CNBD1: variants seen among roughly 807,000 people sequenced by gnomAD.
CNBD1 encodes cyclic nucleotide-binding domain-containing protein 1.
In CNBD1, 71 loss-of-function variants were observed where a neutral mutation model predicts 54.4. The ratio of observed to expected loss-of-function variants is 1.30; its 90% CI spans 1.08 to 1.59. The LOEUF (loss-of-function observed/expected upper bound fraction) is 1.59, where lower values mean the gene tolerates loss of function less well. CNBD1 is among the 40% of genes most tolerant of loss of function. The pLI is 0.00. For synonymous variants in CNBD1, 182 were observed against 170.7 expected, an observed-to-expected ratio of 1.07 and a Z score of -0.51; for missense variants, 659 against 518.0, an observed-to-expected ratio of 1.27 and a Z score of -2.64.
intron 7 of CNBD1, 131 bp downstream of exon 7, chr8:87,284,946 A>G (rs2130870102): frequency 1.5e-6 from 1 of 654,554 alleles, no homozygotes; most frequent in Non-Finnish European, 2.4e-6. Flanking sequence ...GACCATAAAA[A>G]TGTTATTTGA....
chr8:87,281,795 A>T (rs1468285610), intron 6 of CNBD1, among the ~76,000 whole-genome samples: 1 of 150,956 alleles, frequency 6.6e-6, no homozygotes, highest in Non-Finnish European at 1.5e-5. Context: ...GTTATAAATG[A>T]AAGTTATCTC....
At chr8:87,377,619 G>T (rs1810976814) in intron 10 of CNBD1, among the ~76,000 whole-genome samples, 1 of 150,864 alleles carries the variant, frequency 6.6e-6, no homozygotes, top group South Asian at 2.1e-4. Context: ...ACATACGTGT[G>T]CATGTGTCTT....
At chr8:87,319,142 A>G (rs1266055245) in intron 8 of CNBD1, among the ~76,000 whole-genome samples, 2 of 152,114 alleles carry the variant, frequency 1.3e-5, no homozygotes, top group South Asian at 2.1e-4. Flanking sequence ...AGAGCACATG[A>G]AGGATATTGA....
intron 8 of CNBD1, among the ~76,000 whole-genome samples, chr8:87,327,535 G>A (rs1190259543): frequency 1.3e-5 from 2 of 152,190 alleles, no homozygotes; most frequent in Non-Finnish European, 2.9e-5. Context: ...GGTCTGAAAA[G>A]CGCAATATTC....
intron 8 of CNBD1, among the ~76,000 whole-genome samples, chr8:87,312,205 T>A (rs1809282428): frequency 1.3e-5 from 2 of 152,022 alleles, no homozygotes; most frequent in South Asian, 4.1e-4. Context: ...CCCCCAAAAA[T>A]AAAACTACTA....
intron 4 of CNBD1, among the ~76,000 whole-genome samples, chr8:87,161,195 T>A (rs2130759338): frequency 6.6e-6 from 1 of 152,218 alleles, no homozygotes; most frequent in African/African-American, 2.4e-5. Flanking sequence ...AATGACAGGT[T>A]ACCTTCACAT....
chr8:87,001,559 A>G (rs1360320250), intron 4 of CNBD1, among the ~76,000 whole-genome samples: 1 of 152,138 alleles, frequency 6.6e-6, no homozygotes, highest in African/African-American at 2.4e-5. Flanking sequence ...CTTTCTAATG[A>G]GCTAAAGTTG....
At chr8:87,337,510 C>A (rs566673774) in intron 8 of CNBD1, among the ~76,000 whole-genome samples, 8 of 152,338 alleles carry the variant, frequency 5.3e-5, no homozygotes, top group Non-Finnish European at 8.8e-5. Flanking sequence ...TGGTGATGGC[C>A]ATTCCCTCCC....
At chr8:87,353,891 G>C in intron 10 of CNBD1, 105 bp downstream of exon 10, 1 of 727,116 alleles carries the variant, frequency 1.4e-6, no homozygotes, top group Non-Finnish European at 2.2e-6. Flanking sequence ...TATTAAATTG[G>C]GGTTCACCTG....
intron 4 of CNBD1, among the ~76,000 whole-genome samples, chr8:87,074,399 C>G (rs1018773172): frequency 2.0e-5 from 3 of 152,220 alleles, no homozygotes; most frequent in Non-Finnish European, 4.4e-5. Flanking sequence ...CTGCTTGGCT[C>G]TCTGGATTCT....
chr8:87,236,884 A>G, intron 5 of CNBD1, 35 bp from the exon 6 acceptor site: 2 of 1,370,142 alleles, frequency 1.5e-6, no homozygotes, highest in Non-Finnish European at 2.0e-6. Context: ...GAGCCTGAGC[A>G]CACAGTATAT....
chr8:87,427,226 T>C (rs934937617), intron 2 of CNBD1, among the ~76,000 whole-genome samples: 4 of 152,124 alleles, frequency 2.6e-5, no homozygotes, highest in Admixed American at 6.6e-5. Flanking sequence ...CTTTGAAACA[T>C]ACATCTTTTG....
intron 4 of CNBD1, among the ~76,000 whole-genome samples, chr8:86,942,047 AG>A (rs1253362600): frequency 7.2e-5 from 11 of 152,214 alleles, no homozygotes; most frequent in African/African-American, 2.7e-4. Flanking sequence ...AAATTACAGT[AG>A]GAGAGTAAAT....
intron 4 of CNBD1, among the ~76,000 whole-genome samples, chr8:87,063,230 G>A (rs777910269): frequency 6.6e-6 from 1 of 152,068 alleles, no homozygotes; most frequent in African/African-American, 2.4e-5. Context: ...TCCCATGAAA[G>A]GTATCTTCAA....
chr8:87,053,157 T>C (rs1264192179), intron 4 of CNBD1, among the ~76,000 whole-genome samples: 1 of 152,218 alleles, frequency 6.6e-6, no homozygotes, highest in African/African-American at 2.4e-5. Flanking sequence ...GCTGGATCAA[T>C]TGTGCAATGC....
At chr8:87,422,286 C>G (rs1349241097) in intron 2 of CNBD1, among the ~76,000 whole-genome samples, 1 of 145,174 alleles carries the variant, frequency 6.9e-6, no homozygotes, top group Non-Finnish European at 1.5e-5. Flanking sequence ...TAATTAGATC[C>G]CATTTGTCAA....
chr8:87,338,794 T>C (rs1810006118), intron 8 of CNBD1, among the ~76,000 whole-genome samples: 1 of 152,114 alleles, frequency 6.6e-6, no homozygotes, highest in Non-Finnish European at 1.5e-5. Context: ...TGTTAATATG[T>C]CTTGTAATTT....
At chr8:86,929,089 C>A (rs1323142332) in intron 3 of CNBD1, among the ~76,000 whole-genome samples, 3 of 152,170 alleles carry the variant, frequency 2.0e-5, no homozygotes, top group Non-Finnish European at 4.4e-5. Flanking sequence ...TGCCTGGCAG[C>A]AATTTTGGCG....
At chr8:87,397,160 A>C (rs1206086406) in intron 2 of CNBD1, among the ~76,000 whole-genome samples, 1 of 151,336 alleles carries the variant, frequency 6.6e-6, no homozygotes, top group African/African-American at 2.4e-5. Context: ...TTTATTTTGC[A>C]TATATTTTGG....
Sources: allele counts gnomAD v4.1 joint callset (sites outside exome capture counted in the v4.1 genomes callset), GRCh38; gene constraint gnomAD v4.1.1; transcripts MANE v1.5; gene names NCBI Gene and HGNC (gene_info 2026-07-23, HGNC 2026-07-21).